The following PCLO variants were observed in gnomAD, a reference collection of about 807,000 sequenced individuals.
The protein encoded by PCLO is piccolo presynaptic cytomatrix protein, also known as protein piccolo.
In PCLO, 82 loss-of-function variants were observed where a neutral mutation model predicts 427.5. That is an observed-to-expected ratio of 0.19 (90% confidence interval 0.16 to 0.23). The LOEUF is 0.23. PCLO is among the 10% of genes least tolerant of loss of function. The pLI is 1.00. For synonymous variants in PCLO, 2,357 were observed against 2,155.4 expected, an observed-to-expected ratio of 1.09 and a Z score of -2.59; for missense variants, 6,239 against 6,115.9, an observed-to-expected ratio of 1.02 and a Z score of -0.67.
intron 20 of PCLO, among the ~76,000 whole-genome samples, chr7:82,806,157 T>C (rs936114637): frequency 8.5e-5 from 13 of 152,164 alleles, no homozygotes; most frequent in Admixed American, 2.6e-4. Context: ...AAAAATGATA[T>C]GGTAAATAAA....
chr7:82,870,819 A>T (rs1793216441), intron 10 of PCLO, among the ~76,000 whole-genome samples: 1 of 152,104 alleles, frequency 6.6e-6, no homozygotes, highest in African/African-American at 2.4e-5. Context: ...AAGACATACA[A>T]ATGGCCAACA....
At chr7:83,123,183 G>C (rs532975821) in intron 3 of PCLO, among the ~76,000 whole-genome samples, 1 of 152,010 alleles carries the variant, frequency 6.6e-6, no homozygotes, top group African/African-American at 2.4e-5. Context: ...CTGAGCAAAA[G>C]GAATAAAACT....
intron 3 of PCLO, among the ~76,000 whole-genome samples, chr7:83,120,402 G>GAAAAAA (rs35143407): frequency 1.2e-5 from 1 of 80,764 alleles, no homozygotes; most frequent in Non-Finnish European, 2.4e-5. Context: ...CTCTGCCTCA[G>GAAAAAA]AAAAAAAAAA....
chr7:82,992,547 TA>T (rs1186634117), intron 3 of PCLO, among the ~76,000 whole-genome samples: 2 of 152,064 alleles, frequency 1.3e-5, no homozygotes, highest in Admixed American at 1.3e-4. Context: ...AACTCCTACT[TA>T]TGAGTGAGAA....
intron 3 of PCLO, among the ~76,000 whole-genome samples, chr7:83,093,048 A>C (rs1790421687): frequency 6.6e-6 from 1 of 152,054 alleles, no homozygotes; most frequent in Non-Finnish European, 1.5e-5. Context: ...ATTCATGACT[A>C]TTGCTAGGCT....
chr7:83,107,713 A>AGGCCG (rs1562967491), intron 3 of PCLO, among the ~76,000 whole-genome samples: 1 of 126,868 alleles, frequency 7.9e-6, no homozygotes, highest in Admixed American at 7.5e-5. Flanking sequence ...AGAAGAGAAT[A>AGGCCG]TGTGCGGTGG....
rs190429352 is a variant in PCLO, at chr7:82,823,853, A to C, written c.14596+383T>G. 2.0e-3 allele frequency among the ~76,000 whole-genome samples: 300 copies of C among 152,342 alleles called. 5 individuals carry two copies. The highest frequency in any genetic ancestry group is 6.8e-3 in the African/African-American group (283 of 41,580). ...AGAGATTCAAACAATTAGAAGGATT[A>C]TAACTTAATGATAATGATGATTATG... On this transcript the variant is annotated intron_variant, in intron 19 of 24. Coordinates refer to ENST00000333891, the MANE Select transcript of PCLO (RefSeq NM_033026.6).
chr7:82,972,314 C>T (rs1170915623), intron 3 of PCLO, among the ~76,000 whole-genome samples: 1 of 151,926 alleles, frequency 6.6e-6, no homozygotes, highest in Non-Finnish European at 1.5e-5. Context: ...GCTACTGTGC[C>T]ACTCAGCATT....
chr7:83,157,950 ACTT>A (rs1466866198), intron 1 of PCLO, among the ~76,000 whole-genome samples: 2 of 152,110 alleles, frequency 1.3e-5, no homozygotes, highest in Non-Finnish European at 2.9e-5. Context: ...CATATTCAAT[ACTT>A]CTTATGAATT....
intron 10 of PCLO, among the ~76,000 whole-genome samples, chr7:82,855,019 A>G (rs1792765576): frequency 6.6e-6 from 1 of 152,160 alleles, no homozygotes; most frequent in Admixed American, 6.6e-5. Flanking sequence ...TCTAGGTCTG[A>G]GTACATTGAA....
At chr7:82,958,592 A>T (rs1795585691) in intron 4 of PCLO, among the ~76,000 whole-genome samples, 1 of 152,200 alleles carries the variant, frequency 6.6e-6, no homozygotes, top group Admixed American at 6.5e-5. Context: ...AGTGTGATAT[A>T]TTCTTAACAA....
At chr7:82,939,501 T>G (rs1012359844) in intron 6 of PCLO, among the ~76,000 whole-genome samples, 1 of 151,730 alleles carries the variant, frequency 6.6e-6, no homozygotes, top group Non-Finnish European at 1.5e-5. Flanking sequence ...CCTTGGAATA[T>G]GACATTAAAA....
Position 82,841,491 on chromosome 7 carries a change from C to A in PCLO, c.14065G>T (p.Val4689Phe), listed in dbSNP as rs1299808239. 1 of 1,594,676 alleles carries A rather than the reference C, an allele frequency of 6.3e-7. No homozygotes were observed. Among genetic ancestry groups the A allele is most frequent in the Non-Finnish European group, 8.6e-7 (1 of 1,163,432 alleles). The change falls in exon 14 of 25, where the codon GTT becomes TTT. Residue 4689 changes from valine (V) to phenylalanine (F), a missense_variant. This residue lies in a region of PCLO where 877 missense variants were observed against 925.5 expected (regional missense o/e 0.95). Transcript: ENST00000333891. ...TCTCCTGTAATTGGATGAGAGACAA[C>A]CTTTGTTCCATCGGTAGGCTGTAAT... ...GSSKPTDGTK[V>F]VSHPITGEIQ...
At chr7:82,773,183 C>T (rs1320930891) in intron 22 of PCLO, among the ~76,000 whole-genome samples, 1 of 152,180 alleles carries the variant, frequency 6.6e-6, no homozygotes, top group African/African-American at 2.4e-5. Flanking sequence ...CTTCTTTAAA[C>T]TCGGAATAAC....
chr7:82,891,866 G>A (rs1793775335), intron 9 of PCLO, among the ~76,000 whole-genome samples: 1 of 152,050 alleles, frequency 6.6e-6, no homozygotes. Context: ...CACAAGGGAT[G>A]TGAAGGACCT....
intron 3 of PCLO, among the ~76,000 whole-genome samples, chr7:83,003,691 TCC>T (rs1370118656): frequency 1.3e-5 from 2 of 151,816 alleles, no homozygotes; most frequent in East Asian, 3.9e-4. Context: ...TAAGGATAAA[TCC>T]CCCTTAAGTA....
intron 13 of PCLO, among the ~76,000 whole-genome samples, chr7:82,844,274 T>C (rs1446048884): frequency 2.0e-5 from 3 of 152,182 alleles, no homozygotes; most frequent in Non-Finnish European, 1.5e-5. Context: ...TAATTGCTTG[T>C]GGTAAAATGT....
chr7:82,761,809 T>G (rs1315350037), intron 22 of PCLO, among the ~76,000 whole-genome samples: 1 of 152,014 alleles, frequency 6.6e-6, no homozygotes, highest in Non-Finnish European at 1.5e-5. Context: ...AATACACAGA[T>G]GCTTACACCA....
intron 3 of PCLO, among the ~76,000 whole-genome samples, chr7:83,007,651 TG>T (rs772456890): frequency 1.5e-4 from 23 of 151,632 alleles, no homozygotes; most frequent in Non-Finnish European, 2.7e-4. Context: ...AAATATTTAT[TG>T]GGGGAGGACA....
Sources: gnomAD v4.1 joint callset for allele counts (sites outside exome capture counted in the v4.1 genomes callset) on GRCh38, gnomAD v4.1.1 for gene constraint, gnomAD v4.1.1 regional missense constraint, MANE v1.5 for transcripts, NCBI Gene and HGNC (gene_info 2026-07-23, HGNC 2026-07-21) for gene names.